Variants in FCHSD2 observed in about 807,000 individuals in gnomAD.
FCHSD2 encodes the protein FCH and double SH3 domains 2, also known as F-BAR and double SH3 domains protein 2.
FCHSD2 carries 38 observed loss-of-function variants against 108.1 expected under a neutral mutation model. The observed-to-expected ratio is 0.35, with a 90% CI of 0.27 to 0.46. The LOEUF (loss-of-function observed/expected upper bound fraction) is 0.46, where lower values mean the gene tolerates loss of function less well. Among genes scored for constraint, FCHSD2 ranks in the 20% least tolerant of loss-of-function variants. The pLI is 1.00. For synonymous variants in FCHSD2, 279 were observed against 314.7 expected, an observed-to-expected ratio of 0.89 and a Z score of 1.20; for missense variants, 751 against 897.8, an observed-to-expected ratio of 0.84 and a Z score of 2.09.
At chr11:73,018,399 A>G (rs1858020588) in intron 3 of FCHSD2, among the ~76,000 whole-genome samples, 1 of 152,148 alleles carries the variant, frequency 6.6e-6, no homozygotes, top group African/African-American at 2.4e-5. Flanking sequence ...TATGCAAAGT[A>G]TCTTCGCCTC....
Position 72,889,928 on chromosome 11 carries a change from T to C in FCHSD2, c.942A>G (p.Ser314=). ...CDSDTSRQLE[S]ETGTTEEHSL... is the part of the protein sequence containing the mutation. ...TGTGCTCCTCTGTGGTCCCAGTTTC[T>C]GATTCTAACTGTCGGCTCTACAATA... Residue 314 remains serine (S), a synonymous_variant, in exon 11 of 20, where the codon TCA becomes TCG. Transcript: ENST00000409418. 6.2e-7 allele frequency: 1 copy of C among 1,609,876 alleles called. No individual in the cohort carries two copies. Among genetic ancestry groups the C allele is most frequent in the South Asian group, 1.1e-5 (1 of 91,000 alleles).
chr11:73,003,672 G>C (rs1857674162), intron 4 of FCHSD2, among the ~76,000 whole-genome samples: 1 of 151,352 alleles, frequency 6.6e-6, no homozygotes, highest in Non-Finnish European at 1.5e-5. Context: ...ATTTTTAGTA[G>C]AGACGGGGTT....
At chr11:72,916,476 C>T (rs1249173883) in intron 9 of FCHSD2, among the ~76,000 whole-genome samples, 2 of 151,898 alleles carry the variant, frequency 1.3e-5, no homozygotes, top group Admixed American at 6.6e-5. Flanking sequence ...CCATGTCTGG[C>T]TAATTTAAAA....
intron 3 of FCHSD2, among the ~76,000 whole-genome samples, chr11:73,023,064 T>C (rs1858145469): frequency 6.6e-6 from 1 of 152,086 alleles, no homozygotes; most frequent in Admixed American, 6.6e-5. Context: ...AAATGATTCA[T>C]ACACCTCAAT....
chr11:72,922,566 A>T (rs1379025826), intron 8 of FCHSD2, among the ~76,000 whole-genome samples: 1 of 152,202 alleles, frequency 6.6e-6, no homozygotes, highest in African/African-American at 2.4e-5. Context: ...AAATCACTGA[A>T]CATTTGAGGA....
At chr11:72,982,940 C>A (rs964900248) in intron 8 of FCHSD2, among the ~76,000 whole-genome samples, 1 of 152,098 alleles carries the variant, frequency 6.6e-6, no homozygotes, top group African/African-American at 2.4e-5. Flanking sequence ...GAGGGAGGAT[C>A]ACTTGAAGCC....
intron 8 of FCHSD2, among the ~76,000 whole-genome samples, chr11:72,961,535 C>T (rs565362249): frequency 2.0e-5 from 3 of 152,218 alleles, no homozygotes; most frequent in African/African-American, 7.2e-5. Context: ...TGATTACAGG[C>T]GTGAGCCACC....
intron 9 of FCHSD2, among the ~76,000 whole-genome samples, chr11:72,906,362 C>G (rs1239031816): frequency 6.6e-6 from 1 of 152,094 alleles, no homozygotes; most frequent in Non-Finnish European, 1.5e-5. Context: ...AGATTTTCTC[C>G]CATTCAGTAG....
rs145240576 is a variant in FCHSD2, at chr11:72,961,405, TTTGTTGTTGTTG to T, written c.705+22671_705+22682del. 3.3e-5 allele frequency among the ~76,000 whole-genome samples: 5 copies of T among 151,016 alleles called. No homozygotes were observed. The South Asian group carries it at 8.4e-4, about 25-fold the overall frequency. On this transcript the variant is annotated intron_variant, in intron 8 of 19. Coordinates refer to ENST00000409418, the MANE Select transcript of FCHSD2 (RefSeq NM_014824.3). ...TGCCTGGTTTATTTTTAAGAAGTTT[TTTGTTGTTGTTG>T]TTGTTGTTGTTGTTGTTTTTAATAG...
chr11:73,132,610 C>T (rs908875192), intron 2 of FCHSD2, among the ~76,000 whole-genome samples: 2 of 151,864 alleles, frequency 1.3e-5, no homozygotes, highest in African/African-American at 4.8e-5. Flanking sequence ...ATTGCTTGAG[C>T]CCAGGAGTTT....
intron 2 of FCHSD2, among the ~76,000 whole-genome samples, chr11:73,092,724 G>A (rs538868612): frequency 6.6e-6 from 1 of 152,230 alleles, no homozygotes; most frequent in African/African-American, 2.4e-5. Context: ...CATCCACATG[G>A]ACCAATCAAG....
chr11:72,988,264 C>T (rs1434154251), intron 6 of FCHSD2, among the ~76,000 whole-genome samples: 1 of 152,184 alleles, frequency 6.6e-6, no homozygotes, highest in Non-Finnish European at 1.5e-5. Context: ...AGTTATACAA[C>T]ATGCTTTTTC....
At chr11:73,057,285 G>A (rs766917420) in intron 3 of FCHSD2, among the ~76,000 whole-genome samples, 2 of 152,056 alleles carry the variant, frequency 1.3e-5, no homozygotes, top group African/African-American at 2.4e-5. Flanking sequence ...ACACAGGTTC[G>A]AAGCATGGGC....
chr11:73,051,898 C>T (rs1442528869), intron 3 of FCHSD2, among the ~76,000 whole-genome samples: 1 of 150,828 alleles, frequency 6.6e-6, no homozygotes, highest in Non-Finnish European at 1.5e-5. Flanking sequence ...CACACACACA[C>T]ACACACACAC....
chr11:72,911,678 T>A (rs942866439), intron 9 of FCHSD2, among the ~76,000 whole-genome samples: 1 of 152,180 alleles, frequency 6.6e-6, no homozygotes, highest in African/African-American at 2.4e-5. Context: ...TCCTTTTTTA[T>A]TTTTATTATT....
At chr11:72,906,990 T>C (rs753260762) in intron 9 of FCHSD2, among the ~76,000 whole-genome samples, 19 of 152,202 alleles carry the variant, frequency 1.2e-4, no homozygotes, top group Non-Finnish European at 2.2e-4. Flanking sequence ...GGGGACAGCA[T>C]TGAATCCATA....
intron 8 of FCHSD2, among the ~76,000 whole-genome samples, chr11:72,931,313 G>GT (rs1197330345): frequency 2.1e-4 from 31 of 145,160 alleles, no homozygotes; most frequent in African/African-American, 7.3e-4. Context: ...CACCATGTTG[G>GT]TCAGGCTGGT....
intron 12 of FCHSD2, among the ~76,000 whole-genome samples, chr11:72,885,900 G>A (rs1184595515): frequency 6.6e-6 from 1 of 152,162 alleles, no homozygotes; most frequent in Non-Finnish European, 1.5e-5. Context: ...ATTAGACTGT[G>A]AACAGGAATG....
At chr11:73,038,751 C>T (rs756490354) in intron 3 of FCHSD2, among the ~76,000 whole-genome samples, 5 of 152,062 alleles carry the variant, frequency 3.3e-5, no homozygotes, top group Non-Finnish European at 7.4e-5. Flanking sequence ...ATGCTCACTA[C>T]CTGGGTGATA....
Sources: gnomAD v4.1 joint callset for allele counts (sites outside exome capture counted in the v4.1 genomes callset) on GRCh38, gnomAD v4.1.1 for gene constraint, MANE v1.5 for transcripts, NCBI Gene and HGNC (gene_info 2026-07-23, HGNC 2026-07-21) for gene names.